The following PPWD1 variants were observed in gnomAD, a reference collection of about 807,000 sequenced individuals.
PPWD1 encodes peptidylprolyl isomerase domain and WD repeat containing 1, also known as peptidylprolyl isomerase domain and WD repeat-containing protein 1.
Under a neutral mutation model 68.8 loss-of-function variants are expected in PPWD1, and 43 were observed. That is an observed-to-expected ratio of 0.62 (90% CI 0.49 to 0.81). The LOEUF is 0.81. Ranked by LOEUF, PPWD1 falls within the 30% of genes least tolerant of loss-of-function variation. The probability of loss-of-function intolerance (pLI) is 0.00; values close to 1 mark genes in which losing one functional copy is unlikely to be tolerated. For missense variants in PPWD1, 672 were observed against 804.8 expected, an observed-to-expected ratio of 0.83 and a Z score of 2.00; for synonymous variants, 232 against 258.7, an observed-to-expected ratio of 0.90 and a Z score of 0.99.
chr5:65,573,475 ATTT>A (rs71728896), intron 5 of PPWD1, among the ~76,000 whole-genome samples: 1,283 of 67,730 alleles, frequency 0.019, 110 homozygotes, highest in African/African-American at 0.08. Context: ...ATATATATAT[ATTT>A]TTTTTTTATT....
At chr5:65,568,583 C>T (rs140790565) in intron 2 of PPWD1, among the ~76,000 whole-genome samples, 292 of 152,028 alleles carry the variant, frequency 1.9e-3, no homozygotes, top group African/African-American at 6.7e-3. Context: ...TCAAACAGGG[C>T]AAGAATGGAT....
At chr5:65,569,519 A>T (rs149512) in intron 2 of PPWD1, 113 bp from the exon 3 acceptor site, 458,167 of 1,152,640 alleles carry the variant, frequency 0.4, 92,838 homozygotes, top group African/African-American at 0.73. Flanking sequence ...GGTTTTTTTT[A>T]AAAAAAAACC....
intron 6 of PPWD1, chr5:65,579,176 C>CA (rs1753479618): frequency 1.1e-5 from 4 of 373,750 alleles, no homozygotes; most frequent in African/African-American, 2.1e-5. Context: ...CTCGGCCTCC[C>CA]AAAGTGCTGG....
chr5:65,581,239 T>A (rs191998353), intron 7 of PPWD1, among the ~76,000 whole-genome samples: 1 of 152,158 alleles, frequency 6.6e-6, no homozygotes, highest in Non-Finnish European at 1.5e-5. Flanking sequence ...AGGAAAAAAA[T>A]TAATCGTTTT....
chr5:65,586,039 T>TGGGAGGAGAAAGCATATG lies in PPWD1; in HGVS notation c.1666_1683dup (p.Ser556_Glu561dup), dbSNP rs1193060719. 2.2e-5 allele frequency: 35 copies of TGGGAGGAGAAAGCATATG among 1,613,468 alleles called. No homozygotes were observed. The highest frequency in any genetic ancestry group is 3.0e-5 in the Non-Finnish European group (35 of 1,179,592). On this transcript the variant is annotated inframe_insertion, in exon 10 of 11. Coordinates refer to ENST00000261308, the MANE Select transcript of PPWD1 (RefSeq NM_015342.4). ...ACTGGAGATCCAACAGGTACTGGTA[T>TGGGAGGAGAAAGCATATG]GGGAGGAGAAAGCATATGGGGAGGA...
chr5:65,584,475 A>C (rs1475277622), intron 8 of PPWD1, among the ~76,000 whole-genome samples: 2 of 152,210 alleles, frequency 1.3e-5, no homozygotes, highest in African/African-American at 4.8e-5. Flanking sequence ...CTGTAGCATA[A>C]CAATGCTTTT....
intron 7 of PPWD1, among the ~76,000 whole-genome samples, chr5:65,580,212 A>T (rs1753531335): frequency 6.6e-6 from 1 of 152,132 alleles, no homozygotes; most frequent in African/African-American, 2.4e-5. Context: ...AAGTATAGAG[A>T]CCTATGCCCT....
chr5:65,584,230 C>T (rs1052770098), intron 8 of PPWD1, among the ~76,000 whole-genome samples: 1 of 152,152 alleles, frequency 6.6e-6, no homozygotes, highest in East Asian at 1.9e-4. Flanking sequence ...TTTAAGTGCT[C>T]AAAACCCATG....
rs1344604407 is a variant in PPWD1 at position 65,587,446 on chromosome 5, GATT to G, written c.*54_*56del. 7.1e-7 allele frequency: 1 copy of G among 1,400,744 alleles called. No individual in the cohort carries two copies. Among genetic ancestry groups the G allele is most frequent in the African/African-American group, 1.5e-5 (1 of 68,354 alleles). 86.8% of individuals were successfully genotyped at this position (1,400,744 alleles called of 1,614,324 possible). A position where few individuals can be genotyped will look rare whatever the true frequency, so the allele number is the denominator to read the frequency against. Reference sequence around the variant, plus strand: ...GCAAATAAAAATACAATATTAAACAGATTATTTTACATTAGGAAGCTTAGGACT... The same window carrying G: ...GCAAATAAAAATACAATATTAAACAGATTTTACATTAGGAAGCTTAGGACT... On this transcript the variant is annotated 3_prime_UTR_variant, in exon 11 of 11. Transcript: ENST00000261308.
At position 65,576,866 on chromosome 5, in the gene PPWD1, G is replaced by A. The variant is rs1753313952; in HGVS notation, c.970-13G>A. 6.2e-7 allele frequency: 1 copy of A among 1,612,610 alleles called. No individual in the cohort carries two copies. Among genetic ancestry groups the A allele is most frequent in the Non-Finnish European group, 8.5e-7 (1 of 1,179,132 alleles). On this transcript the variant is annotated splice_polypyrimidine_tract_variant and intron_variant, in intron 5 of 10. Transcript: ENST00000261308. ...TATATAGAGTTTTTGTTACTAAATG[G>A]TTTATTTCCTAGATGTTTACTGAAC...
At chr5:65,582,388 C>A (rs1753633447) in intron 7 of PPWD1, among the ~76,000 whole-genome samples, 1 of 152,066 alleles carries the variant, frequency 6.6e-6, no homozygotes, top group African/African-American at 2.4e-5. Flanking sequence ...TCAGTTGGGA[C>A]TGTGAAAAAA....
chr5:65,565,673 T>G (rs1175094207), intron 1 of PPWD1, among the ~76,000 whole-genome samples: 1 of 152,028 alleles, frequency 6.6e-6, no homozygotes, highest in Non-Finnish European at 1.5e-5. Flanking sequence ...CCGGGCGTGG[T>G]GGCGCACACC....
At chr5:65,574,777 A>T (rs1423348866) in intron 5 of PPWD1, among the ~76,000 whole-genome samples, 1 of 152,172 alleles carries the variant, frequency 6.6e-6, no homozygotes, top group Non-Finnish European at 1.5e-5. Context: ...CAAATCTCTT[A>T]ACACACATAC....
chr5:65,583,755 C>G (rs1753700752), intron 8 of PPWD1, among the ~76,000 whole-genome samples: 1 of 151,168 alleles, frequency 6.6e-6, no homozygotes, highest in Admixed American at 6.6e-5. Context: ...TTGAGACTAG[C>G]CCGAGCAACA....
intron 9 of PPWD1, 75 bp from the exon 10 acceptor site, chr5:65,585,924 T>C: frequency 6.4e-7 from 1 of 1,551,110 alleles, no homozygotes; most frequent in Admixed American, 1.9e-5. Context: ...CAAAGCACTC[T>C]TGGCAGAAAT....
intron 9 of PPWD1, 170 bp from the exon 10 acceptor site, chr5:65,585,829 G>C: frequency 1.3e-6 from 1 of 742,866 alleles, no homozygotes; most frequent in Non-Finnish European, 1.6e-6. Flanking sequence ...GGTGGTGGTT[G>C]GGCAATGGAA....
In PPWD1 at chr5:65,587,485, A is replaced by G; in HGVS notation, c.*89A>G. 9.9e-7 allele frequency: 1 copy of G among 1,012,400 alleles called. No homozygotes were observed. The highest frequency in any genetic ancestry group is 1.4e-6 in the Non-Finnish European group (1 of 737,642). The allele number at this position is 1,012,400 out of a possible 1,614,324, so 62.7% of individuals were successfully genotyped here. A position where few individuals can be genotyped will look rare whatever the true frequency, so the allele number is the denominator to read the frequency against. On this transcript the variant is annotated 3_prime_UTR_variant, in exon 11 of 11. Coordinates refer to ENST00000261308, the MANE Select transcript of PPWD1 (RefSeq NM_015342.4). ...AGGAAGCTTAGGACTTGCTGAATAT[A>G]CAGATCATGTTTCAAAGATACAGTA...
intron 1 of PPWD1, among the ~76,000 whole-genome samples, chr5:65,565,322 C>T (rs1298831438): frequency 1.3e-5 from 2 of 152,176 alleles, no homozygotes; most frequent in Non-Finnish European, 2.9e-5. Context: ...TATTTTGTTG[C>T]ATATGAATAT....
intron 1 of PPWD1, among the ~76,000 whole-genome samples, chr5:65,565,859 T>C (rs1220492399): frequency 2.0e-5 from 3 of 149,858 alleles, no homozygotes; most frequent in Admixed American, 6.6e-5. Flanking sequence ...AGAAAAAAAT[T>C]GAAACTAAAA....
Sources: gnomAD v4.1 joint callset for allele counts (sites outside exome capture counted in the v4.1 genomes callset) on GRCh38, gnomAD v4.1.1 for gene constraint, MANE v1.5 for transcripts, NCBI Gene and HGNC (gene_info 2026-07-23, HGNC 2026-07-21) for gene names.